Variants in TAFA2 observed in about 807,000 individuals in gnomAD.
TAFA2 encodes chemokine-like protein TAFA-2.
TAFA2 carries 7 observed loss-of-function variants against 18.8 expected under a neutral mutation model. That is an observed-to-expected ratio of 0.37 (90% CI 0.21 to 0.70). The LOEUF is 0.70. Among genes scored for constraint, TAFA2 ranks in the 30% least tolerant of loss-of-function variants. TAFA2 has a pLI of 0.53. For missense variants in TAFA2, 122 were observed against 158.1 expected, an observed-to-expected ratio of 0.77 and a Z score of 1.23; for synonymous variants, 60 against 54.2, an observed-to-expected ratio of 1.11 and a Z score of -0.47.
chr12:61,776,809 A>C (rs892256053), intron 2 of TAFA2, among the ~76,000 whole-genome samples: 6 of 151,876 alleles, frequency 4.0e-5, no homozygotes, highest in African/African-American at 1.4e-4. Flanking sequence ...ATACTATCTA[A>C]ACCCTATATT....
At chr12:62,113,427 G>T (rs1255412983) in intron 1 of TAFA2, among the ~76,000 whole-genome samples, 4 of 152,156 alleles carry the variant, frequency 2.6e-5, no homozygotes, top group Non-Finnish European at 5.9e-5. Context: ...GTCGACCCCT[G>T]CTGAGAAGTG....
chr12:61,831,097 T>G (rs996407798), intron 2 of TAFA2, among the ~76,000 whole-genome samples: 2 of 152,114 alleles, frequency 1.3e-5, no homozygotes, highest in African/African-American at 2.4e-5. Flanking sequence ...TTTAAATTAT[T>G]TGAGCCTTCA....
intron 1 of TAFA2, among the ~76,000 whole-genome samples, chr12:62,145,807 A>T (rs1301323521): frequency 6.6e-6 from 1 of 152,224 alleles, no homozygotes; most frequent in Non-Finnish European, 1.5e-5. Context: ...TCCTCGCTTG[A>T]CATAATGGAA....
intron 1 of TAFA2, among the ~76,000 whole-genome samples, chr12:62,113,109 C>G (rs1869806376): frequency 6.6e-6 from 1 of 152,114 alleles, no homozygotes; most frequent in African/African-American, 2.4e-5. Flanking sequence ...TTTTCCTCAT[C>G]TTGGTGAATT....
At chr12:62,211,594 A>G (rs1242704216) in intron 1 of TAFA2, among the ~76,000 whole-genome samples, 1 of 140,740 alleles carries the variant, frequency 7.1e-6, no homozygotes, top group Non-Finnish European at 1.6e-5. Flanking sequence ...AAAAAAAAAA[A>G]GGTAGAAAAA....
intron 2 of TAFA2, among the ~76,000 whole-genome samples, chr12:61,843,944 GA>G (rs1216554578): frequency 6.6e-6 from 1 of 152,090 alleles, no homozygotes; most frequent in Non-Finnish European, 1.5e-5. Flanking sequence ...TCCTGAAACT[GA>G]GTCAATATGG....
At chr12:61,781,064 T>TA (rs1181131948) in intron 2 of TAFA2, among the ~76,000 whole-genome samples, 1 of 151,738 alleles carries the variant, frequency 6.6e-6, no homozygotes, top group Non-Finnish European at 1.5e-5. Flanking sequence ...TAAGTTTTTC[T>TA]AAAAAGGAAA....
At chr12:61,774,793 T>C (rs982715189) in intron 2 of TAFA2, among the ~76,000 whole-genome samples, 1 of 151,638 alleles carries the variant, frequency 6.6e-6, no homozygotes, top group Non-Finnish European at 1.5e-5. Context: ...CCTCCTGTTC[T>C]GCATAAACCT....
intron 1 of TAFA2, chr12:62,258,197 T>C (rs1386673783): frequency 2.0e-5 from 3 of 152,208 alleles, no homozygotes; most frequent in South Asian, 2.1e-4. Flanking sequence ...ACTCTGTAAG[T>C]GCTTGCTAAA....
chr12:61,867,457 G>A (rs373409433), intron 1 of TAFA2, 31 bp from the exon 2 acceptor site: 7 of 1,327,790 alleles, frequency 5.3e-6, no homozygotes, highest in Middle Eastern at 1.9e-4. Context: ...AAAATCATAA[G>A]TATGCAAATT....
chr12:61,957,500 G>A (rs1424413131), intron 1 of TAFA2, among the ~76,000 whole-genome samples: 1 of 151,996 alleles, frequency 6.6e-6, no homozygotes, highest in African/African-American at 2.4e-5. Flanking sequence ...TTAAAGGTGG[G>A]GGATGAGGAA....
chr12:61,718,255 C>A (rs1422459520), intron 4 of TAFA2, among the ~76,000 whole-genome samples: 5 of 152,194 alleles, frequency 3.3e-5, no homozygotes, highest in Non-Finnish European at 7.3e-5. Flanking sequence ...TTCTATGTGA[C>A]TCATGGAAGT....
At chr12:61,869,525 A>T (rs1185006693) in intron 1 of TAFA2, among the ~76,000 whole-genome samples, 1 of 152,002 alleles carries the variant, frequency 6.6e-6, no homozygotes, top group East Asian at 1.9e-4. Flanking sequence ...TAAAGGGGGG[A>T]TATATATTTG....
intron 1 of TAFA2, among the ~76,000 whole-genome samples, chr12:61,978,759 T>A (rs1879525842): frequency 6.6e-6 from 1 of 152,018 alleles, no homozygotes; most frequent in African/African-American, 2.4e-5. Flanking sequence ...AAGAAGCCCC[T>A]CCCAGGCTCA....
chr12:61,938,230 TAAAAAA>T (rs1157161976), intron 1 of TAFA2, among the ~76,000 whole-genome samples: 8 of 98,454 alleles, frequency 8.1e-5, no homozygotes, highest in African/African-American at 2.7e-4. Context: ...ATAGATATGG[TAAAAAA>T]AAAAAAAAAA....
intron 1 of TAFA2, among the ~76,000 whole-genome samples, chr12:62,186,272 C>T (rs1311910682): frequency 1.3e-5 from 2 of 152,124 alleles, no homozygotes; most frequent in Non-Finnish European, 2.9e-5. Flanking sequence ...CACCGTTGCC[C>T]ATTCACATGC....
At chr12:62,021,242 T>C (rs1881124940) in intron 1 of TAFA2, among the ~76,000 whole-genome samples, 1 of 152,190 alleles carries the variant, frequency 6.6e-6, no homozygotes, top group African/African-American at 2.4e-5. Context: ...TAGCCCAAAT[T>C]GTGGGAAAGG....
At chr12:62,038,775 T>C (rs1592297923) in intron 1 of TAFA2, among the ~76,000 whole-genome samples, 1 of 152,132 alleles carries the variant, frequency 6.6e-6, no homozygotes, top group African/African-American at 2.4e-5. Flanking sequence ...CAATACAACG[T>C]TCCCAGGAAA....
chr12:61,745,080 TCTGAATCTC>T, intron 4 of TAFA2, among the ~76,000 whole-genome samples: 1 of 152,126 alleles, frequency 6.6e-6, no homozygotes. Context: ...TCACTTAGTT[TCTGAATCTC>T]TCATTACTAT....
Sources: allele counts gnomAD v4.1 joint callset (sites outside exome capture counted in the v4.1 genomes callset), GRCh38; gene constraint gnomAD v4.1.1; transcripts MANE v1.5; gene names NCBI Gene and HGNC (gene_info 2026-07-23, HGNC 2026-07-21).